The following AGMO variants were observed in gnomAD, a reference collection of about 807,000 sequenced individuals.
AGMO encodes glyceryl-ether monooxygenase.
A neutral mutation model predicts 60.2 loss-of-function variants in AGMO; 75 were observed. The ratio of observed to expected loss-of-function variants is 1.25; its 90% CI spans 1.03 to 1.51. The LOEUF (loss-of-function observed/expected upper bound fraction) is 1.51, where lower values mean the gene tolerates loss of function less well. Among genes scored for constraint, AGMO ranks in the 40% most tolerant of loss-of-function variants. The pLI is 0.00. For synonymous variants in AGMO, 261 were observed against 177.1 expected, an observed-to-expected ratio of 1.47 and a Z score of -3.76; for missense variants, 763 against 525.5, an observed-to-expected ratio of 1.45 and a Z score of -4.42.
chr7:15,381,113 A>C (rs1191448320), intron 10 of AGMO, among the ~76,000 whole-genome samples: 1 of 152,174 alleles, frequency 6.6e-6, no homozygotes, highest in East Asian at 1.9e-4. Flanking sequence ...CAGGACACAG[A>C]CAAAAACAAA....
intron 12 of AGMO, among the ~76,000 whole-genome samples, chr7:15,351,380 G>T (rs1782238368): frequency 6.6e-6 from 1 of 152,122 alleles, no homozygotes; most frequent in African/African-American, 2.4e-5. Flanking sequence ...GATTACAGAA[G>T]AGGTAGTTCA....
rs749306690 is a variant in AGMO, at chr7:15,390,717, T to C, written c.776A>G (p.Tyr259Cys). The C allele has an allele frequency of 2.8e-5, 45 of 1,611,376 alleles. 1 individual carries two copies. The South Asian group carries it at 4.1e-4, about 15-fold the overall frequency. ...TGTATTAATGGGATGTGTTAAGCCA[T>C]ATACAACTTTTTCATTTTCTGCTTC... ...TFEAENEKVVYGLTHPINTFE... is the reference protein window; with the variant it reads ...TFEAENEKVVCGLTHPINTFE... The change falls in exon 8 of 13, where the codon TAT (tyrosine) becomes TGT (cysteine). Residue 259 changes from tyrosine to cysteine, a missense_variant. Tyr to Cys is a radical substitution (Grantham distance 194, BLOSUM62 -2). Transcript: ENST00000342526.
intron 4 of AGMO, among the ~76,000 whole-genome samples, chr7:15,423,393 T>C (rs1780977523): frequency 6.6e-6 from 1 of 152,164 alleles, no homozygotes; most frequent in South Asian, 2.1e-4. Flanking sequence ...ATTTAGAAAG[T>C]CATTATCTTT....
chr7:15,265,453 GA>G (rs2128511106), intron 12 of AGMO, among the ~76,000 whole-genome samples: 1 of 151,504 alleles, frequency 6.6e-6, no homozygotes, highest in East Asian at 1.9e-4. Context: ...TATTAAAAAA[GA>G]AAAAAGAACA....
intron 4 of AGMO, among the ~76,000 whole-genome samples, chr7:15,427,449 C>T (rs558792615): frequency 7.0e-4 from 107 of 152,222 alleles, no homozygotes; most frequent in African/African-American, 2.5e-3. Flanking sequence ...GAATTCCACA[C>T]TTTATTTAGA....
intron 3 of AGMO, among the ~76,000 whole-genome samples, chr7:15,504,462 G>A (rs1410491890): frequency 6.6e-6 from 1 of 151,952 alleles, no homozygotes; most frequent in Non-Finnish European, 1.5e-5. Context: ...TTTAATGGAA[G>A]TGACATAGCT....
intron 4 of AGMO, among the ~76,000 whole-genome samples, chr7:15,426,965 A>T (rs1229530192): frequency 1.3e-5 from 2 of 152,142 alleles, no homozygotes; most frequent in African/African-American, 4.8e-5. Context: ...TCTGCATGTG[A>T]TAAGGAGTCT....
intron 12 of AGMO, among the ~76,000 whole-genome samples, chr7:15,352,442 A>T (rs922638993): frequency 4.0e-5 from 6 of 150,296 alleles, no homozygotes; most frequent in African/African-American, 1.5e-4. Context: ...TGATTCCAGA[A>T]GTATGTTTTT....
chr7:15,425,637 G>A (rs2128496530), intron 4 of AGMO, among the ~76,000 whole-genome samples: 1 of 151,996 alleles, frequency 6.6e-6, no homozygotes, highest in South Asian at 2.1e-4. Context: ...ACAGCATCTT[G>A]TGATATTGCT....
chr7:15,189,510 C>T, the AGMO span, among the ~76,000 whole-genome samples: 1 of 152,060 alleles, frequency 6.6e-6, no homozygotes. Context: ...GCAAGGTCCT[C>T]CAGCTTTGGA....
At chr7:15,394,572 A>G (rs1044916734) in intron 5 of AGMO, among the ~76,000 whole-genome samples, 2 of 152,212 alleles carry the variant, frequency 1.3e-5, no homozygotes, top group African/African-American at 4.8e-5. Context: ...TTACTGTATT[A>G]CACACCACTA....
At chr7:15,544,291 C>T (rs1172552102) in intron 3 of AGMO, among the ~76,000 whole-genome samples, 1 of 151,950 alleles carries the variant, frequency 6.6e-6, no homozygotes, top group Non-Finnish European at 1.5e-5. Flanking sequence ...GTGATAGGTG[C>T]ACCACAGTCT....
chr7:15,167,667 G>A, the AGMO span, among the ~76,000 whole-genome samples: 1 of 152,154 alleles, frequency 6.6e-6, no homozygotes, highest in Non-Finnish European at 1.5e-5. Flanking sequence ...TATTCTGAAA[G>A]CTTTTCAACC....
intron 10 of AGMO, among the ~76,000 whole-genome samples, chr7:15,381,843 C>CA (rs977436308): frequency 2.6e-4 from 39 of 152,076 alleles, no homozygotes; most frequent in African/African-American, 9.1e-4. Flanking sequence ...ATGCAGCCAC[C>CA]AAAAACAATG....
chr7:15,304,142 G>A (rs1218730040), intron 12 of AGMO, among the ~76,000 whole-genome samples: 2 of 152,046 alleles, frequency 1.3e-5, no homozygotes, highest in East Asian at 1.9e-4. Context: ...AAATAAGTGG[G>A]CTCTCTGCTC....
intron 4 of AGMO, among the ~76,000 whole-genome samples, chr7:15,424,534 TTTTA>T (rs1781006607): frequency 6.6e-6 from 1 of 152,172 alleles, no homozygotes; most frequent in African/African-American, 2.4e-5. Context: ...CAGAGAATAA[TTTTA>T]TTTTTTACCA....
rs113279765 is a variant in AGMO at position 15,295,252 on chromosome 7, T to C, written c.1263+70262A>G. Among the ~76,000 whole-genome samples, 878 of 152,072 alleles carry C rather than the reference T, an allele frequency of 5.8e-3. 4 individuals are homozygous for C. Among genetic ancestry groups the C allele is most frequent in the African/African-American group, 0.018 (760 of 41,556 alleles). ...AGAAAATATATACTCCTTTAAGAAT[T>C]AATGGACCAAAAAAGCCTACAAAGA... On this transcript the variant is annotated intron_variant, in intron 12 of 12. Transcript: ENST00000342526.
chr7:15,556,064 A>G (rs1785124877), intron 2 of AGMO, among the ~76,000 whole-genome samples: 1 of 151,930 alleles, frequency 6.6e-6, no homozygotes, highest in Non-Finnish European at 1.5e-5. Context: ...AAAATTATAT[A>G]CATTCATTTG....
At chr7:15,517,314 G>GGTGT (rs369815817) in intron 3 of AGMO, among the ~76,000 whole-genome samples, 110 of 148,408 alleles carry the variant, frequency 7.4e-4, no homozygotes, top group African/African-American at 2.5e-3. Flanking sequence ...TCTAGTGTGG[G>GGTGT]GTGTGTGTGT....
Sources: gnomAD v4.1 joint callset for allele counts (sites outside exome capture counted in the v4.1 genomes callset) on GRCh38, gnomAD v4.1.1 for gene constraint, MANE v1.5 for transcripts, NCBI Gene and HGNC (gene_info 2026-07-23, HGNC 2026-07-21) for gene names.